Variants in ERBB4 observed in about 807,000 individuals in gnomAD.
ERBB4 encodes receptor tyrosine-protein kinase erbB-4.
In ERBB4, 42 loss-of-function variants were observed where a neutral mutation model predicts 158.0. The observed-to-expected ratio is 0.27, with a 90% CI of 0.21 to 0.34. The LOEUF (loss-of-function observed/expected upper bound fraction) is 0.34, where lower values mean the gene tolerates loss of function less well. ERBB4 is among the 10% of genes least tolerant of loss of function. ERBB4 has a pLI of 1.00. For synonymous variants in ERBB4, 583 were observed against 558.7 expected (o/e 1.04, Z -0.61); for missense variants, 1,333 against 1,624.1 (o/e 0.82, Z 3.08).
chr2:211,847,923 T>G (rs1389953932), intron 3 of ERBB4, among the ~76,000 whole-genome samples: 1 of 152,146 alleles, frequency 6.6e-6, no homozygotes, highest in African/African-American at 2.4e-5. Context: ...TTATAGTAAT[T>G]ACTCTTGTTG....
At chr2:212,090,277 T>TA (rs2078733851) in intron 2 of ERBB4, among the ~76,000 whole-genome samples, 1 of 152,202 alleles carries the variant, frequency 6.6e-6, no homozygotes, top group Non-Finnish European at 1.5e-5. Flanking sequence ...ATTATAAGCC[T>TA]ATTATTTGTA....
At chr2:212,430,088 T>C (rs2091993690) in intron 1 of ERBB4, among the ~76,000 whole-genome samples, 1 of 152,164 alleles carries the variant, frequency 6.6e-6, no homozygotes, top group African/African-American at 2.4e-5. Flanking sequence ...AAAATGCAAC[T>C]GGTAAAGAAA....
In ERBB4 at chr2:211,965,961, C is replaced by A. The variant is rs527717259; in HGVS notation, c.235-18345G>T. On this transcript the variant is annotated intron_variant, in intron 2 of 27. Coordinates refer to ENST00000342788, the MANE Select transcript of ERBB4 (RefSeq NM_005235.3). ...GCACAGAGAATCATGCCTGTAATCC[C>A]AGCACTTTGGGAGGCCAGGGCAGGA... Among the ~76,000 whole-genome samples, 121 of 152,218 alleles carry A rather than the reference C, an allele frequency of 7.9e-4. 1 individual carries two copies. The Middle Eastern group carries it at 0.01, about 13-fold the overall frequency.
chr2:212,063,740 T>C (rs2077852609), intron 2 of ERBB4, among the ~76,000 whole-genome samples: 1 of 152,152 alleles, frequency 6.6e-6, no homozygotes, highest in Non-Finnish European at 1.5e-5. Context: ...ATAGGTTAAA[T>C]ATAGGAACTA....
At chr2:211,613,993 C>CA in intron 19 of ERBB4, among the ~76,000 whole-genome samples, 1 of 151,944 alleles carries the variant, frequency 6.6e-6, no homozygotes, top group Non-Finnish European at 1.5e-5. Context: ...GCACTACTTA[C>CA]AATAGGTTAG....
chr2:212,538,261 T>C (rs1282508267), intron 1 of ERBB4, among the ~76,000 whole-genome samples, 188 bp downstream of exon 1: 1 of 151,980 alleles, frequency 6.6e-6, no homozygotes, highest in Non-Finnish European at 1.5e-5. Context: ...TCACGATAAA[T>C]AAAGCAAACG....
chr2:211,517,579 T>C (rs1196299694), intron 20 of ERBB4, among the ~76,000 whole-genome samples: 8 of 152,158 alleles, frequency 5.3e-5, no homozygotes. Flanking sequence ...CCATGGTCCC[T>C]GCCTTCATAA....
intron 2 of ERBB4, among the ~76,000 whole-genome samples, chr2:212,022,689 AATAAAAAAC>A (rs1394590217): frequency 2.6e-5 from 4 of 152,114 alleles, no homozygotes; most frequent in Non-Finnish European, 4.4e-5. Context: ...GAACTTAAAA[AATAAAAAAC>A]ATAAAAAACT....
chr2:211,500,762 G>A (rs2065595450), intron 20 of ERBB4, among the ~76,000 whole-genome samples: 1 of 151,794 alleles, frequency 6.6e-6, no homozygotes, highest in Admixed American at 6.6e-5. Context: ...ACAATTTTTT[G>A]AAAGCTAAAT....
At chr2:211,708,612 TTCTCTC>T (rs60948715) in intron 9 of ERBB4, among the ~76,000 whole-genome samples, 54 of 116,654 alleles carry the variant, frequency 4.6e-4, no homozygotes, top group Admixed American at 1.1e-3. Flanking sequence ...GTTTCCATCC[TTCTCTC>T]TCTCTCTCTC....
At chr2:211,423,507 T>A (rs2063555038) in intron 23 of ERBB4, among the ~76,000 whole-genome samples, 1 of 151,906 alleles carries the variant, frequency 6.6e-6, no homozygotes, top group African/African-American at 2.4e-5. Flanking sequence ...CTATTTAAAT[T>A]AAGGGCCTGT....
rs77899521 is a variant in ERBB4 at position 211,492,896 on chromosome 2, A to G, written c.2488-61796T>C. Among the ~76,000 whole-genome samples, 734 of 152,248 alleles carry G rather than the reference A, an allele frequency of 4.8e-3. 7 individuals are homozygous for G. Among genetic ancestry groups the G allele is most frequent in the African/African-American group, 0.017 (693 of 41,584 alleles). ...GTTTCCTAAGGATGATCAAGTCACT[A>G]AGTTCGACTTTCCAAATAAATTTAT... On this transcript the variant is annotated intron_variant, in intron 20 of 27. Coordinates refer to ENST00000342788, the MANE Select transcript of ERBB4 (RefSeq NM_005235.3).
intron 19 of ERBB4, among the ~76,000 whole-genome samples, chr2:211,605,315 A>C (rs573586734): frequency 2.6e-5 from 4 of 152,254 alleles, no homozygotes; most frequent in African/African-American, 9.6e-5. Flanking sequence ...CATTATAGGA[A>C]ATGGTTATTG....
chr2:212,499,882 A>G (rs1690787770), intron 1 of ERBB4, among the ~76,000 whole-genome samples: 1 of 152,054 alleles, frequency 6.6e-6, no homozygotes, highest in Non-Finnish European at 1.5e-5. Flanking sequence ...AAGACACAGA[A>G]AAGAATAGGG....
rs71054136 is a variant in ERBB4 at position 211,721,443 on chromosome 2, C to CAAAAAAAAAAAAAAAAAAAAA, written c.883+929_883+949dup. Among the ~76,000 whole-genome samples, 23 of 54,492 alleles carry CAAAAAAAAAAAAAAAAAAAAA rather than the reference C, an allele frequency of 4.2e-4. 5 individuals carry two copies. The highest frequency in any genetic ancestry group is 1.2e-3 in the African/African-American group (13 of 10,534). The allele number at this position is 54,492 out of a possible 152,430, so 35.7% of individuals were successfully genotyped here. On this transcript the variant is annotated intron_variant, in intron 7 of 27. Transcript: ENST00000342788. Reference sequence around the variant, plus strand: ...GAAATGTCCCATTGGTTACTCAAAGCAAAAAAAAAAAAAAAAAAAAAATAG... The same window carrying CAAAAAAAAAAAAAAAAAAAAA: ...GAAATGTCCCATTGGTTACTCAAAGCAAAAAAAAAAAAAAAAAAAAAAAAAAAAAAAAAAAAAAAAAAATAG...
At chr2:212,365,610 T>G (rs1287259828) in intron 1 of ERBB4, among the ~76,000 whole-genome samples, 1 of 151,862 alleles carries the variant, frequency 6.6e-6, no homozygotes, top group Non-Finnish European at 1.5e-5. Context: ...AATAGCTTTA[T>G]GAGGTATAAA....
intron 24 of ERBB4, 118 bp downstream of exon 24, chr2:211,421,889 T>A (rs1322590557): frequency 1.4e-6 from 1 of 727,956 alleles, no homozygotes; most frequent in African/African-American, 1.7e-5. Flanking sequence ...ATGATAATTC[T>A]GCTTAATTAA....
intron 25 of ERBB4, among the ~76,000 whole-genome samples, chr2:211,396,734 A>T (rs898779074): frequency 4.6e-5 from 7 of 152,222 alleles, no homozygotes; most frequent in African/African-American, 1.7e-4. Context: ...TTAACGTAAT[A>T]CAGATAAAGC....
At chr2:211,837,173 A>T (rs1444725530) in intron 3 of ERBB4, among the ~76,000 whole-genome samples, 1 of 152,148 alleles carries the variant, frequency 6.6e-6, no homozygotes, top group African/African-American at 2.4e-5. Flanking sequence ...ATTGTGCATG[A>T]TAAATTGTTG....
Sources: gnomAD v4.1 joint callset for allele counts (sites outside exome capture counted in the v4.1 genomes callset) on GRCh38, gnomAD v4.1.1 for gene constraint, MANE v1.5 for transcripts, NCBI Gene and HGNC (gene_info 2026-07-23, HGNC 2026-07-21) for gene names.